The following SEMA3A variants were observed in gnomAD, a reference collection of about 807,000 sequenced individuals.
SEMA3A encodes the protein semaphorin 3A, also known as semaphorin-3A.
SEMA3A carries 29 observed loss-of-function variants against 97.9 expected under a neutral mutation model. The observed-to-expected ratio is 0.30, with a 90% confidence interval of 0.22 to 0.40. The LOEUF is 0.40. Among genes scored for constraint, SEMA3A ranks in the 10% least tolerant of loss-of-function variants. The probability of loss-of-function intolerance (pLI) is 1.00; values close to 1 mark genes in which losing one functional copy is unlikely to be tolerated. For missense variants in SEMA3A, 763 were observed against 951.3 expected, an observed-to-expected ratio of 0.80 and a Z score of 2.60; for synonymous variants, 321 against 323.7, an observed-to-expected ratio of 0.99 and a Z score of 0.09.
chr7:84,089,628 T>G (rs1169127782), intron 4 of SEMA3A, among the ~76,000 whole-genome samples: 2 of 152,082 alleles, frequency 1.3e-5, no homozygotes, highest in African/African-American at 4.8e-5. Flanking sequence ...TAGTCATTCC[T>G]TCAAAGCAAT....
intron 1 of SEMA3A, among the ~76,000 whole-genome samples, chr7:84,481,175 C>G (rs573862786): frequency 6.6e-6 from 1 of 152,126 alleles, no homozygotes; most frequent in Non-Finnish European, 1.5e-5. Context: ...AAGAAAGATA[C>G]AACTTAATGG....
chr7:84,272,066 G>A (rs192866239), intron 3 of SEMA3A, among the ~76,000 whole-genome samples: 3 of 151,884 alleles, frequency 2.0e-5, no homozygotes, highest in Non-Finnish European at 4.4e-5. Flanking sequence ...AGTGTCTAGC[G>A]CCTTGCCTGG....
At chr7:84,323,882 A>G (rs1801713034) in intron 2 of SEMA3A, among the ~76,000 whole-genome samples, 1 of 152,214 alleles carries the variant, frequency 6.6e-6, no homozygotes, top group African/African-American at 2.4e-5. Flanking sequence ...TCTGCACAAT[A>G]GAAATATTTA....
intron 1 of SEMA3A, among the ~76,000 whole-genome samples, chr7:84,180,736 T>G (rs886652758): frequency 6.6e-6 from 1 of 152,108 alleles, no homozygotes; most frequent in African/African-American, 2.4e-5. Flanking sequence ...ATTAACCTGA[T>G]GATACACTAA....
chr7:84,377,957 C>T (rs1803151317), intron 1 of SEMA3A, among the ~76,000 whole-genome samples: 1 of 152,054 alleles, frequency 6.6e-6, no homozygotes, highest in Non-Finnish European at 1.5e-5. Context: ...TCTCCAGTAA[C>T]ATGTGGTGCT....
At chr7:84,055,018 G>C (rs1412472322) in intron 5 of SEMA3A, among the ~76,000 whole-genome samples, 3 of 152,158 alleles carry the variant, frequency 2.0e-5, no homozygotes, top group Non-Finnish European at 4.4e-5. Flanking sequence ...GGCTGCTCAG[G>C]GGTCAGGGGT....
At chr7:84,307,502 C>T (rs937892714) in intron 2 of SEMA3A, among the ~76,000 whole-genome samples, 1 of 152,086 alleles carries the variant, frequency 6.6e-6, no homozygotes, top group Non-Finnish European at 1.5e-5. Flanking sequence ...CTTATCCAAA[C>T]AAATGACAAT....
chr7:84,283,839 A>T (rs530118637), intron 3 of SEMA3A, among the ~76,000 whole-genome samples: 5 of 152,292 alleles, frequency 3.3e-5, no homozygotes, highest in Non-Finnish European at 5.9e-5. Context: ...TCAGAATTTT[A>T]AAAATGCCAC....
chr7:84,278,525 G>A (rs1000750080), intron 3 of SEMA3A, among the ~76,000 whole-genome samples: 1 of 152,084 alleles, frequency 6.6e-6, no homozygotes, highest in Non-Finnish European at 1.5e-5. Context: ...AATATCTGAT[G>A]TGGGTAATTT....
intron 3 of SEMA3A, among the ~76,000 whole-genome samples, chr7:84,243,668 G>A (rs1339823950): frequency 6.6e-6 from 1 of 151,814 alleles, no homozygotes; most frequent in Non-Finnish European, 1.5e-5. Context: ...TGCTCTGATT[G>A]TAGTTATTTC....
intron 3 of SEMA3A, among the ~76,000 whole-genome samples, chr7:84,276,610 A>G (rs1019251214): frequency 1.3e-5 from 2 of 152,074 alleles, no homozygotes; most frequent in African/African-American, 4.8e-5. Context: ...GATTATTTTA[A>G]TTTGATTTCC....
Position 83,977,785 on chromosome 7 carries a change from ATC to A in SEMA3A, c.1653-591_1653-590del, listed in dbSNP as rs1341289848. On this transcript the variant is annotated intron_variant, in intron 14 of 16. Coordinates refer to ENST00000265362, the MANE Select transcript of SEMA3A (RefSeq NM_006080.3). ...CTTTTCTTGGTTATTGTATCAACCT[ATC>A]CTTTTTTTTTTTCTTTCTTTCTTTT... 8.2e-3 allele frequency among the ~76,000 whole-genome samples: 1,008 copies of A among 122,244 alleles called. 15 individuals carry two copies. Among genetic ancestry groups the A allele is most frequent in the African/African-American group, 0.027 (930 of 34,112 alleles). The allele number at this position is 122,244 out of a possible 152,430, so 80.2% of individuals were successfully genotyped here.
intron 1 of SEMA3A, among the ~76,000 whole-genome samples, chr7:84,182,746 T>C (rs1797769571): frequency 6.6e-6 from 1 of 152,144 alleles, no homozygotes; most frequent in Non-Finnish European, 1.5e-5. Flanking sequence ...TTCACCTAAA[T>C]GAAGGTGAAA....
At chr7:84,427,665 A>AAAAAG (rs1804863072) in intron 1 of SEMA3A, among the ~76,000 whole-genome samples, 1 of 147,288 alleles carries the variant, frequency 6.8e-6, no homozygotes, top group Non-Finnish European at 1.5e-5. Flanking sequence ...AAAAAAAAAA[A>AAAAAG]AAAAAAGTAT....
chr7:84,339,884 A>C (rs1266617377), intron 2 of SEMA3A, among the ~76,000 whole-genome samples: 2 of 152,186 alleles, frequency 1.3e-5, no homozygotes, highest in Non-Finnish European at 2.9e-5. Flanking sequence ...AATCCTAAAA[A>C]AAATTTCAAG....
intron 3 of SEMA3A, among the ~76,000 whole-genome samples, chr7:84,280,649 T>C (rs1800419158): frequency 6.6e-6 from 1 of 151,918 alleles, no homozygotes; most frequent in African/African-American, 2.4e-5. Context: ...CTGGGCATAG[T>C]GGTGCACACC....
intron 3 of SEMA3A, among the ~76,000 whole-genome samples, chr7:84,302,487 G>A (rs1319347157): frequency 6.6e-6 from 1 of 152,086 alleles, no homozygotes; most frequent in African/African-American, 2.4e-5. Context: ...TTTCATACAT[G>A]TATCAACAAA....
chr7:84,292,473 T>C (rs1367926101), intron 3 of SEMA3A, among the ~76,000 whole-genome samples: 6 of 152,082 alleles, frequency 3.9e-5, no homozygotes, highest in Non-Finnish European at 7.4e-5. Context: ...CAACCATTTC[T>C]TGGTGTAAAC....
At chr7:84,449,285 T>C (rs1412608336) in intron 1 of SEMA3A, among the ~76,000 whole-genome samples, 1 of 152,076 alleles carries the variant, frequency 6.6e-6, no homozygotes. Flanking sequence ...AGAAAAAGTA[T>C]GAAATCACTT....
Sources: gnomAD v4.1 joint callset for allele counts (sites outside exome capture counted in the v4.1 genomes callset) on GRCh38, gnomAD v4.1.1 for gene constraint, MANE v1.5 for transcripts, NCBI Gene and HGNC (gene_info 2026-07-23, HGNC 2026-07-21) for gene names.